The following USP34 variants were observed in gnomAD, a reference collection of about 807,000 sequenced individuals.
The protein encoded by USP34 is ubiquitin carboxyl-terminal hydrolase 34.
USP34 carries 70 observed loss-of-function variants against 460.3 expected under a neutral mutation model. The ratio of observed to expected loss-of-function variants is 0.15; its 90% CI spans 0.13 to 0.19. USP34 has a LOEUF of 0.19. Ranked by LOEUF, USP34 falls within the 10% of genes least tolerant of loss-of-function variation. USP34 has a pLI of 1.00. For synonymous variants in USP34, 1,647 were observed against 1,405.3 expected (o/e 1.17, Z -3.85); for missense variants, 3,985 against 4,236.2 (o/e 0.94, Z 1.65).
chr2:61,353,160 C>T (rs1271135071), intron 10 of USP34, among the ~76,000 whole-genome samples: 1 of 152,184 alleles, frequency 6.6e-6, no homozygotes, highest in Non-Finnish European at 1.5e-5. Context: ...GCAGTAAGGA[C>T]CACGTCCCTG....
At chr2:61,240,686 G>T (rs924022330) in intron 53 of USP34, among the ~76,000 whole-genome samples, 1 of 151,214 alleles carries the variant, frequency 6.6e-6, no homozygotes, top group Non-Finnish European at 1.5e-5. Context: ...GGCTTCTCTC[G>T]CCTAGGCCTC....
intron 10 of USP34, among the ~76,000 whole-genome samples, chr2:61,356,475 G>GCGCGCACACACA (rs369666693): frequency 1.6e-5 from 2 of 128,332 alleles, no homozygotes; most frequent in African/African-American, 5.4e-5. Context: ...GGGTGAAAGC[G>GCGCGCACACACA]CACACACACA....
intron 3 of USP34, among the ~76,000 whole-genome samples, chr2:61,403,697 A>C (rs1423322663): frequency 1.3e-5 from 2 of 152,100 alleles, no homozygotes; most frequent in Non-Finnish European, 2.9e-5. Flanking sequence ...TTTATCAAAA[A>C]GCTTTAGAGG....
At chr2:61,276,384 T>C (rs1448758740) in intron 41 of USP34, among the ~76,000 whole-genome samples, 3 of 152,182 alleles carry the variant, frequency 2.0e-5, no homozygotes, top group Non-Finnish European at 4.4e-5. Context: ...TAGTCAATTT[T>C]TAAAAATACA....
intron 53 of USP34, among the ~76,000 whole-genome samples, chr2:61,239,007 T>C (rs1216703931): frequency 6.6e-6 from 1 of 151,730 alleles, no homozygotes; most frequent in African/African-American, 2.4e-5. Flanking sequence ...TGGTGATCTA[T>C]AACCAGTATG....
chr2:61,463,566 G>A (rs776959371), intron 1 of USP34, among the ~76,000 whole-genome samples: 20 of 151,948 alleles, frequency 1.3e-4, no homozygotes, highest in Non-Finnish European at 2.5e-4. Flanking sequence ...AGGCAGGATG[G>A]CTCACACCCC....
At chr2:61,283,022 G>A in intron 37 of USP34, 123 bp downstream of exon 37, 1 of 965,666 alleles carries the variant, frequency 1.0e-6, no homozygotes, top group South Asian at 1.8e-5. Flanking sequence ...AAAGGATTAA[G>A]CAGATAATGT....
At position 61,427,805 on chromosome 2, in the gene USP34, G is replaced by A. The variant is rs181858444; in HGVS notation, c.44-6972C>T. Among the ~76,000 whole-genome samples the A allele has an allele frequency of 3.4e-4, 52 of 152,182 alleles. No homozygotes were observed. In the East Asian group the frequency reaches 7.1e-3, roughly 21 times the overall value. On this transcript the variant is annotated intron_variant, in intron 1 of 79. Coordinates refer to ENST00000398571, the MANE Select transcript of USP34 (RefSeq NM_014709.4). ...CCCAAGTCAGGAGAAAAAAGAAAACGGAATTTCTAAAAATGAAGCATGCCT... is the reference window on the plus strand; with the variant it reads ...CCCAAGTCAGGAGAAAAAAGAAAACAGAATTTCTAAAAATGAAGCATGCCT...
At chr2:61,453,393 G>T (rs566282793) in intron 1 of USP34, among the ~76,000 whole-genome samples, 1 of 150,862 alleles carries the variant, frequency 6.6e-6, no homozygotes. Context: ...CAGCATAGAC[G>T]ACAGAGTAAG....
At chr2:61,460,185 T>G (rs182484132) in intron 1 of USP34, among the ~76,000 whole-genome samples, 1 of 152,212 alleles carries the variant, frequency 6.6e-6, no homozygotes, top group Non-Finnish European at 1.5e-5. Flanking sequence ...TTGCTTTCCA[T>G]AGTTAACCAC....
intron 41 of USP34, among the ~76,000 whole-genome samples, chr2:61,269,418 G>C (rs939534949): frequency 6.7e-6 from 1 of 150,060 alleles, no homozygotes; most frequent in Non-Finnish European, 1.5e-5. Context: ...CTTTTGCCTC[G>C]ACCTTACAAA....
Position 61,348,866 on chromosome 2 carries a change from G to T in USP34, c.1564C>A (p.Gln522Lys). The T allele has an allele frequency of 1.2e-6, 2 of 1,612,440 alleles. No individual in the cohort carries two copies. Among genetic ancestry groups the T allele is most frequent in the Non-Finnish European group, 1.7e-6 (2 of 1,179,376 alleles). Residue 522 changes from glutamine (Q) to lysine (K), a missense_variant, in exon 14 of 80, where the codon CAA becomes AAA. Gln to Lys is a moderately conservative substitution (Grantham distance 53). Coordinates refer to ENST00000398571, the MANE Select transcript of USP34 (RefSeq NM_014709.4). ...TGTGTATCGCTATTATCACTGCTTT[G>T]AGGACTAGCTGCAGGTGACCCTATA... ...PSPWSPAASP[Q>K]SSDNSDTHQS...
intron 1 of USP34, among the ~76,000 whole-genome samples, chr2:61,452,456 C>CT (rs1234189260): frequency 6.6e-6 from 1 of 151,334 alleles, no homozygotes; most frequent in Non-Finnish European, 1.5e-5. Context: ...TCCCAAGTGG[C>CT]TGGGATTATA....
At chr2:61,288,241 C>T (rs1689745310) in intron 34 of USP34, among the ~76,000 whole-genome samples, 1 of 152,176 alleles carries the variant, frequency 6.6e-6, no homozygotes, top group South Asian at 2.1e-4. Flanking sequence ...ATAACCCAAC[C>T]ACTTCCCTAA....
chr2:61,350,563 A>C lies in USP34; in HGVS notation c.1377+5T>G, dbSNP rs749485863. Reference sequence around the variant, plus strand: ...AAAAAAACTATCATGTTTTGAATGTATTACCTGTTCAGTATGAACACTTGG... The same window carrying C: ...AAAAAAACTATCATGTTTTGAATGTCTTACCTGTTCAGTATGAACACTTGG... On this transcript the variant is annotated splice_donor_5th_base_variant and intron_variant, in intron 11 of 79. Transcript: ENST00000398571. 1.3e-6 allele frequency: 2 copies of C among 1,598,814 alleles called. No homozygotes were observed. The highest frequency in any genetic ancestry group is 2.3e-5 in the South Asian group (2 of 86,866).
At chr2:61,466,889 T>TA (rs1257926611) in intron 1 of USP34, among the ~76,000 whole-genome samples, 9 of 146,158 alleles carry the variant, frequency 6.2e-5, no homozygotes, top group Non-Finnish European at 1.1e-4. Flanking sequence ...GGGTGAGAGT[T>TA]AGACTCCGTG....
intron 41 of USP34, among the ~76,000 whole-genome samples, chr2:61,277,383 T>C (rs919560284): frequency 2.6e-5 from 4 of 152,006 alleles, no homozygotes; most frequent in African/African-American, 9.7e-5. Context: ...ACTACAGGTG[T>C]GTGCCACCAC....
At chr2:61,332,361 T>C (rs1014616803) in intron 19 of USP34, among the ~76,000 whole-genome samples, 1 of 152,090 alleles carries the variant, frequency 6.6e-6, no homozygotes, top group Non-Finnish European at 1.5e-5. Flanking sequence ...TGATGTAGTT[T>C]ATGAGATTTA....
chr2:61,436,834 G>T (rs553714624), intron 1 of USP34, among the ~76,000 whole-genome samples: 3 of 152,232 alleles, frequency 2.0e-5, no homozygotes, highest in African/African-American at 7.2e-5. Flanking sequence ...AAAAAATCAT[G>T]TCAGCTATCT....
Sources: gnomAD v4.1 joint callset for allele counts (sites outside exome capture counted in the v4.1 genomes callset) on GRCh38, gnomAD v4.1.1 for gene constraint, MANE v1.5 for transcripts, NCBI Gene and HGNC (gene_info 2026-07-23, HGNC 2026-07-21) for gene names.